Variants in NBEAL1 observed in about 807,000 individuals in gnomAD.
The protein encoded by NBEAL1 is neurobeachin like 1.
Under a neutral mutation model 351.3 loss-of-function variants are expected in NBEAL1, and 273 were observed. That is an observed-to-expected ratio of 0.78 (90% CI 0.70 to 0.86). NBEAL1 has a LOEUF of 0.86. Ranked by LOEUF, NBEAL1 falls within the 40% of genes least tolerant of loss-of-function variation. The pLI is 0.00. For synonymous variants in NBEAL1, 1,050 were observed against 1,086.4 expected (o/e 0.97, Z 0.66); for missense variants, 2,961 against 3,201.3 (o/e 0.92, Z 1.81).
At chr2:203,172,675 G>T in intron 40 of NBEAL1, 54 bp from the exon 41 acceptor site, 1 of 1,522,974 alleles carries the variant, frequency 6.6e-7, no homozygotes, top group South Asian at 1.3e-5. Flanking sequence ...TAGATATGAG[G>T]ATATTAGCTT....
intron 45 of NBEAL1, 85 bp from the exon 46 acceptor site, chr2:203,190,188 ACACACACACACACACACAC>A: frequency 1.6e-6 from 1 of 630,266 alleles, no homozygotes; most frequent in South Asian, 1.9e-5. Flanking sequence ...ACACACACAC[ACACACACACACACACACAC>A]ACCAATGAGC....
chr2:203,201,777 G>A (rs2105813669), intron 50 of NBEAL1, 62 bp downstream of exon 50: 1 of 1,373,738 alleles, frequency 7.3e-7, no homozygotes, highest in South Asian at 1.5e-5. Flanking sequence ...AAGTATAAAA[G>A]TAGTACGTGC....
rs1224851771 is a variant in NBEAL1, at chr2:203,049,708, A to G, written c.144-106A>G. 6.2e-6 allele frequency: 6 copies of G among 960,612 alleles called. No homozygotes were observed. The East Asian group carries it at 1.6e-4, about 25-fold the overall frequency. 59.5% of individuals were successfully genotyped at this position (960,612 alleles called of 1,614,324 possible). ...AGGCACAGAGTATCTGGAATAAATAAAAGAGCTTCTTTAGGATTTGGGCTG... is the reference window on the plus strand; with the variant it reads ...AGGCACAGAGTATCTGGAATAAATAGAAGAGCTTCTTTAGGATTTGGGCTG... On this transcript the variant is annotated intron_variant, in intron 3 of 55. Transcript: ENST00000683969.
At chr2:203,201,807 A>T in intron 50 of NBEAL1, 92 bp downstream of exon 50, 1 of 1,055,826 alleles carries the variant, frequency 9.5e-7, no homozygotes, top group Non-Finnish European at 1.3e-6. Flanking sequence ...AGAGCATTAA[A>T]TTTTACCTTT....
chr2:203,111,031 T>G (rs902227305), intron 15 of NBEAL1, among the ~76,000 whole-genome samples: 2 of 152,104 alleles, frequency 1.3e-5, no homozygotes, highest in Admixed American at 1.3e-4. Flanking sequence ...GTAAATTTAA[T>G]TTTGAATTTC....
intron 53 of NBEAL1, among the ~76,000 whole-genome samples, chr2:203,210,252 A>G (rs1333497322): frequency 6.6e-6 from 1 of 151,828 alleles, no homozygotes; most frequent in Non-Finnish European, 1.5e-5. Flanking sequence ...AGTCCCAGCT[A>G]CTAGGGAGGC....
intron 4 of NBEAL1, among the ~76,000 whole-genome samples, chr2:203,051,544 CAA>C (rs11305453): frequency 4.5e-5 from 5 of 110,588 alleles, no homozygotes; most frequent in Admixed American, 9.4e-5. Context: ...AGACTCTTCT[CAA>C]AAAAAAAAAA....
At chr2:203,114,127 T>A (rs2062636832) in intron 17 of NBEAL1, among the ~76,000 whole-genome samples, 1 of 152,112 alleles carries the variant, frequency 6.6e-6, no homozygotes, top group Non-Finnish European at 1.5e-5. Flanking sequence ...CAGCCTCTCC[T>A]GTGTCTCTTA....
chr2:203,091,501 G>GAT (rs1484506014), intron 10 of NBEAL1, among the ~76,000 whole-genome samples: 6 of 152,100 alleles, frequency 3.9e-5, no homozygotes, highest in African/African-American at 1.4e-4. Context: ...AGGATTACTA[G>GAT]ATATATGGTA....
At chr2:203,051,777 G>T (rs2061327920) in intron 4 of NBEAL1, among the ~76,000 whole-genome samples, 1 of 152,100 alleles carries the variant, frequency 6.6e-6, no homozygotes, top group South Asian at 2.1e-4. Context: ...GTAGTAGATA[G>T]TTTCTTATGA....
intron 18 of NBEAL1, among the ~76,000 whole-genome samples, chr2:203,119,424 C>CTTTTTTTT (rs57126638): frequency 0.017 from 1,146 of 66,620 alleles, 87 homozygotes; most frequent in Non-Finnish European, 0.021. Flanking sequence ...CGGCCTGTTG[C>CTTTTTTTT]TTTTTTTTTT....
intron 4 of NBEAL1, among the ~76,000 whole-genome samples, chr2:203,055,587 C>G (rs1465489448): frequency 6.7e-6 from 1 of 148,364 alleles, no homozygotes; most frequent in Non-Finnish European, 1.5e-5. Flanking sequence ...TCTGGGCAAC[C>G]GAGCAAGATC....
Position 203,224,151 on chromosome 2 carries a change from GA to G in NBEAL1, c.*6798del, listed in dbSNP as rs1429461970. ...TGTTATAGTAGATCTTACTATTAAA[GA>G]TCTTTTATATTTTAAACTGTTTTTT... On this transcript the variant is annotated 3_prime_UTR_variant, in exon 56 of 56. Transcript: ENST00000683969. Among the ~76,000 whole-genome samples the G allele has an allele frequency of 4.6e-5, 7 of 151,874 alleles. No individual in the cohort carries two copies. Among genetic ancestry groups the G allele is most frequent in the Non-Finnish European group, 7.4e-5 (5 of 67,884 alleles).
At chr2:203,135,131 G>A (rs1042333999) in intron 27 of NBEAL1, among the ~76,000 whole-genome samples, 2 of 148,948 alleles carry the variant, frequency 1.3e-5, no homozygotes, top group South Asian at 2.1e-4. Flanking sequence ...AGTCAAGATC[G>A]CACCACTGCA....
intron 46 of NBEAL1, among the ~76,000 whole-genome samples, chr2:203,193,266 CCA>C (rs1309914742): frequency 6.6e-6 from 1 of 152,026 alleles, no homozygotes; most frequent in Non-Finnish European, 1.5e-5. Context: ...GCCAGCACGC[CCA>C]GCCAGTGTTG....
At chr2:203,041,436 G>C (rs1282659968) in intron 2 of NBEAL1, among the ~76,000 whole-genome samples, 2 of 152,324 alleles carry the variant, frequency 1.3e-5, no homozygotes, top group East Asian at 3.9e-4. Flanking sequence ...AAAGTCCTTA[G>C]GGTGGGAGCA....
chr2:203,150,437 A>AATAT (rs762739271), intron 34 of NBEAL1, among the ~76,000 whole-genome samples: 2 of 151,048 alleles, frequency 1.3e-5, no homozygotes, highest in African/African-American at 4.9e-5. Flanking sequence ...TGTATATATA[A>AATAT]ATATATATAT....
At chr2:203,210,820 T>C in intron 53 of NBEAL1, 138 bp from the exon 54 acceptor site, 1 of 476,924 alleles carries the variant, frequency 2.1e-6, no homozygotes, top group Admixed American at 3.9e-5. Flanking sequence ...GTCTACACAC[T>C]TGGTCTTTAA....
intron 29 of NBEAL1, 39 bp from the exon 30 acceptor site, chr2:203,138,123 G>A: frequency 6.2e-7 from 1 of 1,601,740 alleles, no homozygotes; most frequent in Non-Finnish European, 8.5e-7. Context: ...GTTTTTCTAA[G>A]CTCACAATGG....
Sources: gnomAD v4.1 joint callset for allele counts (sites outside exome capture counted in the v4.1 genomes callset) on GRCh38, gnomAD v4.1.1 for gene constraint, MANE v1.5 for transcripts, NCBI Gene and HGNC (gene_info 2026-07-23, HGNC 2026-07-21) for gene names.